The following C1orf167 variants were observed in gnomAD, a reference collection of about 807,000 sequenced individuals.
The protein encoded by C1orf167 is chromosome 1 open reading frame 167, also known as uncharacterized protein C1orf167.
In C1orf167, 153 loss-of-function variants were observed where a neutral mutation model predicts 176.5. That is an observed-to-expected ratio of 0.87 (90% confidence interval 0.76 to 0.99). C1orf167 has a LOEUF of 0.99. C1orf167 is among the 50% of genes least tolerant of loss of function. C1orf167 has a pLI of 0.00. For synonymous variants in C1orf167, 594 were observed against 752.7 expected, an observed-to-expected ratio of 0.79 and a Z score of 3.45; for missense variants, 1,490 against 1,817.7, an observed-to-expected ratio of 0.82 and a Z score of 3.28.
At chr1:11,771,449 G>C (rs1199608695) in intron 6 of C1orf167, 75 bp from the exon 7 acceptor site, 2 of 915,782 alleles carry the variant, frequency 2.2e-6, no homozygotes, top group East Asian at 1.2e-4. Context: ...CCTGCCTGGG[G>C]TGGGGCGGAC....
rs1311358071 is a variant in C1orf167, at chr1:11,768,216, C to T, written c.1483C>T (p.Gln495Ter). ...CLQALWLREA[Q>*]LEAAWGQYTK... Reference sequence around the variant, plus strand: ...TCAGGCCTTGTGGCTCCGGGAGGCTCAGCTGGAGGCAGCATGGGGGCAGTA... The same window carrying T: ...TCAGGCCTTGTGGCTCCGGGAGGCTTAGCTGGAGGCAGCATGGGGGCAGTA... The change falls in exon 5 of 21, where the codon CAG becomes TAG. Residue 495 changes from glutamine to a stop codon, truncating the protein, a stop_gained. Transcript: ENST00000688073. LOFTEE classifies it high-confidence loss of function. This position sits in a 1 kb window ranked among gnomAD's most constrained non-coding sequence, Gnocchi z 4.5. 2.3e-6 allele frequency: 3 copies of T among 1,289,752 alleles called. No homozygotes were observed. The South Asian group carries it at 3.7e-5, about 16-fold the overall frequency. 79.9% of individuals were successfully genotyped at this position (1,289,752 alleles called of 1,614,324 possible). A position where few individuals can be genotyped will look rare whatever the true frequency, so the allele number is the denominator to read the frequency against.
chr1:11,771,049 G>GTATATA (rs869122966), intron 6 of C1orf167, among the ~76,000 whole-genome samples: 5 of 34,910 alleles, frequency 1.4e-4, no homozygotes, highest in Admixed American at 5.1e-4. Context: ...GTGTGTGTGT[G>GTATATA]TATATATATA....
intron 8 of C1orf167, among the ~76,000 whole-genome samples, chr1:11,772,988 T>C (rs1643154772): frequency 6.7e-6 from 1 of 149,902 alleles, no homozygotes; most frequent in African/African-American, 2.4e-5. Flanking sequence ...AACCTCCACC[T>C]CCTGGGCTCA....
In C1orf167 at chr1:11,766,121, A is replaced by C; in HGVS notation, c.335A>C (p.Gln112Pro). 7.8e-7 allele frequency: 1 copy of C among 1,289,794 alleles called. No individual in the cohort carries two copies. The highest frequency in any genetic ancestry group is 1.0e-6 in the Non-Finnish European group (1 of 988,848). 79.9% of individuals were successfully genotyped at this position (1,289,794 alleles called of 1,614,324 possible). ...SNLQSLARRR[Q>P]GKAREFAIQQ... ...CTGCAGTCCCTGGCCAGGAGGCGCC[A>C]AGGGAAGGCCCGAGAGTTTGCCATC... Residue 112 changes from glutamine (Q) to proline (P), a missense_variant, in exon 3 of 21, where the codon CAA becomes CCA. Transcript: ENST00000688073. This position sits in a 1 kb window ranked among gnomAD's most constrained non-coding sequence, Gnocchi z 4.5.
chr1:11,772,367 C>T, intron 8 of C1orf167, 108 bp downstream of exon 8: 2 of 978,468 alleles, frequency 2.0e-6, no homozygotes, highest in Non-Finnish European at 2.7e-6. Flanking sequence ...CTGGCTCAAG[C>T]AATCCTCCCA....
At chr1:11,764,645 AG>A in intron 2 of C1orf167, among the ~76,000 whole-genome samples, 175 bp downstream of exon 2, 1 of 152,218 alleles carries the variant, frequency 6.6e-6, no homozygotes, top group Non-Finnish European at 1.5e-5. Flanking sequence ...GGGCCTAAGG[AG>A]GGGGGTCTTG....
Position 11,766,605 on chromosome 1 carries a change from C to A in C1orf167, c.819C>A (p.Gly273=), listed in dbSNP as rs934423123. The change falls in exon 3 of 21, where the codon GGC becomes GGA. Residue 273 remains glycine, a synonymous_variant. Transcript: ENST00000688073. The surrounding 1 kb of genome is among the most constrained non-coding windows in gnomAD (Gnocchi z 4.5). ...CTGTGCAGCAGGACCTCTGGACCGG[C>A]GGCGGCCAGCCATTCTCCGCCCACC... ...PGAVQQDLWT[G]GGQPFSAHPQ... The A allele has an allele frequency of 7.8e-7, 1 of 1,276,852 alleles. No individual in the cohort carries two copies. The highest frequency in any genetic ancestry group is 2.3e-5 in the Admixed American group (1 of 42,826). The allele number at this position is 1,276,852 out of a possible 1,614,324, so 79.1% of individuals were successfully genotyped here.
intron 6 of C1orf167, among the ~76,000 whole-genome samples, chr1:11,770,487 C>G (rs1426522842): frequency 6.7e-6 from 1 of 150,360 alleles, no homozygotes; most frequent in African/African-American, 2.4e-5. Flanking sequence ...GCTCTGTTGC[C>G]CAGGCTGGAG....
chr1:11,766,140 T>G lies in C1orf167; in HGVS notation c.354T>G (p.Phe118Leu). The change falls in exon 3 of 21, where the codon TTT becomes TTG. Residue 118 changes from phenylalanine (F) to leucine (L), a missense_variant. Physicochemically the swap from Phe to Leu is conservative, Grantham distance 22 (BLOSUM62 0). Coordinates refer to ENST00000688073, the MANE Select transcript of C1orf167 (RefSeq NM_001010881.2). The surrounding 1 kb of genome is among the most constrained non-coding windows in gnomAD (Gnocchi z 4.5). ...ARRRQGKAREFAIQQSNLSIN... is the reference protein window; with the variant it reads ...ARRRQGKARELAIQQSNLSIN... ...GGCGCCAAGGGAAGGCCCGAGAGTT[T>G]GCCATCCAGCAGAGCAACCTGAGCA... 1 of 1,289,772 alleles carries G rather than the reference T, an allele frequency of 7.8e-7. No homozygotes were observed. Among genetic ancestry groups the G allele is most frequent in the Non-Finnish European group, 1.0e-6 (1 of 988,838 alleles). 79.9% of individuals were successfully genotyped at this position (1,289,772 alleles called of 1,614,324 possible).
chr1:11,787,086 G>GGCC (rs1033066254), intron 16 of C1orf167: 1 of 174,482 alleles, frequency 5.7e-6, no homozygotes, highest in Non-Finnish European at 1.2e-5. Flanking sequence ...GGTACTAGCC[G>GGCC]GGGGCTCAGA....
rs1187946911 is a variant in C1orf167 at position 11,788,759 on chromosome 1, C to T, written c.4173+13C>T. 3 of 1,303,228 alleles carry T rather than the reference C, an allele frequency of 2.3e-6. No homozygotes were observed. Among genetic ancestry groups the T allele is most frequent in the Admixed American group, 2.3e-5 (1 of 43,550 alleles). The allele number at this position is 1,303,228 out of a possible 1,614,324, so 80.7% of individuals were successfully genotyped here. A position where few individuals can be genotyped will look rare whatever the true frequency, so the allele number is the denominator to read the frequency against. On this transcript the variant is annotated intron_variant, in intron 20 of 20. Transcript: ENST00000688073. ...AGCAGGAAGATGGGTGGGTCCTTTCCCAGGTACTGCCCTCTTCCCTGCATT... is the reference window on the plus strand; with the variant it reads ...AGCAGGAAGATGGGTGGGTCCTTTCTCAGGTACTGCCCTCTTCCCTGCATT...
Position 11,789,328 on chromosome 1 carries a change from G to A in C1orf167, c.4232G>A (p.Ser1411Asn). ...AARSPRRGAA[S>N]SPRPWSKPGP... ...AGGAGCCCAAGGAGAGGAGCTGCCAGTAGCCCAAGACCCTGGAGCAAGCCA... is the reference window on the plus strand; with the variant it reads ...AGGAGCCCAAGGAGAGGAGCTGCCAATAGCCCAAGACCCTGGAGCAAGCCA... Residue 1411 changes from serine to asparagine, a missense_variant, in exon 21 of 21, where the codon AGT (serine) becomes AAT (asparagine). Ser to Asn is a conservative substitution (Grantham distance 46). Transcript: ENST00000688073. 1 of 1,304,086 alleles carries A rather than the reference G, an allele frequency of 7.7e-7. No homozygotes were observed. The highest frequency in any genetic ancestry group is 1.0e-6 in the Non-Finnish European group (1 of 988,894). 80.8% of individuals were successfully genotyped at this position (1,304,086 alleles called of 1,614,324 possible). A position where few individuals can be genotyped will look rare whatever the true frequency, so the allele number is the denominator to read the frequency against.
chr1:11,767,982 T>C lies in C1orf167; in HGVS notation c.1344-95T>C. ...TGGCGTGGGTCATCACCCTACTGAT[T>C]GCTGGAAAGGCATCTCAGAGGGTAT... is the stretch of plus-strand genomic sequence containing the variant. On this transcript the variant is annotated intron_variant, in intron 4 of 20. Coordinates refer to ENST00000688073, the MANE Select transcript of C1orf167 (RefSeq NM_001010881.2). 11 of 988,778 alleles carry C rather than the reference T, an allele frequency of 1.1e-5. No homozygotes were observed. The South Asian group carries it at 1.8e-4, about 16-fold the overall frequency. The allele number at this position is 988,778 out of a possible 1,614,324, so 61.3% of individuals were successfully genotyped here.
chr1:11,769,998 G>A (rs563883726), intron 6 of C1orf167, among the ~76,000 whole-genome samples: 1 of 152,048 alleles, frequency 6.6e-6, no homozygotes, highest in South Asian at 2.1e-4. Context: ...AATCATAGCA[G>A]TAATGCATGC....
At chr1:11,762,394 G>A (rs1443813970) in intron 1 of C1orf167, 89 bp downstream of exon 1, 3 of 347,862 alleles carry the variant, frequency 8.6e-6, no homozygotes, top group Non-Finnish European at 1.7e-5. Flanking sequence ...TAAGTGGACA[G>A]GGGTGGGGGT....
At position 11,766,605 on chromosome 1, in the gene C1orf167, C is replaced by T. The variant is rs934423123; in HGVS notation, c.819C>T (p.Gly273=). Residue 273 remains glycine (G), a synonymous_variant, in exon 3 of 21, where the codon GGC becomes GGT. Coordinates refer to ENST00000688073, the MANE Select transcript of C1orf167 (RefSeq NM_001010881.2). This position sits in a 1 kb window ranked among gnomAD's most constrained non-coding sequence, Gnocchi z 4.5. ...PGAVQQDLWT[G]GGQPFSAHPQ... is the part of the protein sequence containing the mutation. ...CTGTGCAGCAGGACCTCTGGACCGG[C>T]GGCGGCCAGCCATTCTCCGCCCACC... 1.8e-5 allele frequency: 23 copies of T among 1,276,732 alleles called. No individual in the cohort carries two copies. Among genetic ancestry groups the T allele is most frequent in the Admixed American group, 2.3e-5 (1 of 42,806 alleles). The allele number at this position is 1,276,732 out of a possible 1,614,324, so 79.1% of individuals were successfully genotyped here.
chr1:11,772,346 C>T, intron 8 of C1orf167, 87 bp downstream of exon 8: 1 of 1,117,746 alleles, frequency 8.9e-7, no homozygotes, highest in Non-Finnish European at 1.2e-6. Context: ...CTCACTGCAC[C>T]CTCCACCTCC....
rs985475051 is a variant in C1orf167, at chr1:11,768,717, G to T, written c.1543-256G>T. ...CTGTGTCCTTCCCTCCTTGGGAAAGGGGTGCTCTGAGAGGGTCCAGTCGCA... is the reference window on the plus strand; with the variant it reads ...CTGTGTCCTTCCCTCCTTGGGAAAGTGGTGCTCTGAGAGGGTCCAGTCGCA... On this transcript the variant is annotated intron_variant, in intron 5 of 20. Transcript: ENST00000688073. The surrounding 1 kb of genome is among the most constrained non-coding windows in gnomAD (Gnocchi z 4.5). Among the ~76,000 whole-genome samples, 1 of 152,126 alleles carries T rather than the reference G, an allele frequency of 6.6e-6. No homozygotes were observed. The highest frequency in any genetic ancestry group is 1.5e-5 in the Non-Finnish European group (1 of 68,022).
At chr1:11,764,067 T>C (rs1412037908) in intron 1 of C1orf167, among the ~76,000 whole-genome samples, 1 of 152,088 alleles carries the variant, frequency 6.6e-6, no homozygotes, top group Non-Finnish European at 1.5e-5. Context: ...TCGCTGGACC[T>C]GCATGTTCAG....
Sources: allele counts gnomAD v4.1 joint callset (sites outside exome capture counted in the v4.1 genomes callset), GRCh38; gene constraint gnomAD v4.1.1; non-coding constraint Gnocchi (gnomAD v3.1); transcripts MANE v1.5; gene names NCBI Gene and HGNC (gene_info 2026-07-23, HGNC 2026-07-21).